Variants in ENTPD1 observed in about 807,000 individuals in gnomAD.
The protein encoded by ENTPD1 is ATP diphosphohydrolase.
ENTPD1 carries 33 observed loss-of-function variants against 57.0 expected under a neutral mutation model. The observed-to-expected ratio is 0.58, with a 90% CI of 0.44 to 0.77. The LOEUF (loss-of-function observed/expected upper bound fraction) is 0.77. Ranked by LOEUF, ENTPD1 falls within the 30% of genes least tolerant of loss-of-function variation. The pLI, the probability that ENTPD1 is intolerant of heterozygous loss-of-function variation, is 0.00. For synonymous variants in ENTPD1, 202 were observed against 218.8 expected (o/e 0.92, Z 0.68); for missense variants, 501 against 603.4 (o/e 0.83, Z 1.78).
intron 1 of ENTPD1, among the ~76,000 whole-genome samples, chr10:95,813,749 A>G (rs538105790): frequency 1.3e-5 from 2 of 152,252 alleles, no homozygotes; most frequent in South Asian, 2.1e-4. Context: ...ACATTTTTCT[A>G]TAGTAATATT....
chr10:95,777,094 G>T (rs998106391), intron 1 of ENTPD1, among the ~76,000 whole-genome samples: 2 of 152,088 alleles, frequency 1.3e-5, no homozygotes, highest in Non-Finnish European at 2.9e-5. Flanking sequence ...TAGCTTGGAG[G>T]AATTTGTCAT....
At chr10:95,718,618 G>C (rs1246968448) in intron 1 of ENTPD1, among the ~76,000 whole-genome samples, 1 of 152,162 alleles carries the variant, frequency 6.6e-6, no homozygotes, top group East Asian at 1.9e-4. Context: ...AGCATACTTA[G>C]AGTCTGTATA....
intron 7 of ENTPD1, among the ~76,000 whole-genome samples, chr10:95,856,651 CATATATAT>C (rs66753059): frequency 7.0e-6 from 1 of 142,206 alleles, no homozygotes; most frequent in African/African-American, 2.6e-5. Context: ...TATATGTATG[CATATATAT>C]ATATATATAT....
chr10:95,810,556 A>G (rs1304730314), intron 1 of ENTPD1, among the ~76,000 whole-genome samples: 2 of 152,160 alleles, frequency 1.3e-5, no homozygotes, highest in Non-Finnish European at 2.9e-5. Flanking sequence ...CACTTCCCAG[A>G]CAGGGTTTAG....
At position 95,866,328 on chromosome 10, in the gene ENTPD1, T is replaced by C. The variant is rs754205303; in HGVS notation, c.1478T>C (p.Ile493Thr). 2.5e-6 allele frequency: 4 copies of C among 1,614,218 alleles called. No individual in the cohort carries two copies. The highest frequency in any genetic ancestry group is 2.5e-6 in the Non-Finnish European group (3 of 1,180,034). ...LFSLVLFTVA[I>T]IGLLIFHKPS... is the part of the protein sequence containing the mutation. The stretch of plus-strand genomic sequence containing the variant: ...TCCCTGGTCCTTTTCACAGTGGCCA[T>C]CATAGGCTTGCTTATCTTTCACAAG... The change falls in exon 10 of 10, where the codon ATC (isoleucine) becomes ACC (threonine). Residue 493 changes from isoleucine to threonine, a missense_variant. By Grantham distance (89) the Ile-to-Thr change is moderately conservative (BLOSUM62 -1). Transcript: ENST00000371205.
rs71034350 is a variant in ENTPD1 at position 95,760,814 on chromosome 10, C to CTTTTTTTTTTTTTTT, written c.16+4578_16+4592dup. 7.6e-4 allele frequency among the ~76,000 whole-genome samples: 48 copies of CTTTTTTTTTTTTTTT among 62,968 alleles called. 8 individuals carry two copies. The highest frequency in any genetic ancestry group is 1.4e-3 in the African/African-American group (21 of 14,914). The allele number at this position is 62,968 out of a possible 152,430, so 41.3% of individuals were successfully genotyped here. A position where few individuals can be genotyped will look rare whatever the true frequency, so the allele number is the denominator to read the frequency against. On this transcript the variant is annotated intron_variant, in intron 1 of 9. Transcript: ENST00000371205. The stretch of plus-strand genomic sequence containing the variant: ...TGGAGTAAATTACATAGAGTTTATT[C>CTTTTTTTTTTTTTTT]TTTTTTTTTTTTTTTTTTTTTTTTT...
chr10:95,784,512 A>G (rs1456741774), intron 1 of ENTPD1, among the ~76,000 whole-genome samples: 4 of 152,186 alleles, frequency 2.6e-5, no homozygotes, highest in Non-Finnish European at 4.4e-5. Flanking sequence ...AGAAAAACTC[A>G]GGCTGTGTTT....
At chr10:95,864,499 T>C (rs1279937303) in intron 8 of ENTPD1, among the ~76,000 whole-genome samples, 1 of 152,188 alleles carries the variant, frequency 6.6e-6, no homozygotes, top group Non-Finnish European at 1.5e-5. Flanking sequence ...TATTATCTCA[T>C]AGAAGCCTGT....
At chr10:95,825,177 C>T (rs1193677874) in intron 2 of ENTPD1, among the ~76,000 whole-genome samples, 1 of 152,316 alleles carries the variant, frequency 6.6e-6, no homozygotes, top group South Asian at 2.1e-4. Flanking sequence ...ATTTCAAGTG[C>T]TCAATAGCCA....
Position 95,872,482 on chromosome 10 carries a change from T to C in ENTPD1, c.*6099T>C, listed in dbSNP as rs78518793. Reference sequence around the variant, plus strand: ...AATACTCTTGCACCTTCAAAGCTCATTTCAAATGCCCCTTCATTTGTGAAG... The same window carrying C: ...AATACTCTTGCACCTTCAAAGCTCACTTCAAATGCCCCTTCATTTGTGAAG... On this transcript the variant is annotated 3_prime_UTR_variant, in exon 10 of 10. Coordinates refer to ENST00000371205, the MANE Select transcript of ENTPD1 (RefSeq NM_001776.6). The C allele has an allele frequency of 2.0e-6, 2 of 984,912 alleles. No individual in the cohort carries two copies. Among genetic ancestry groups the C allele is most frequent in the Admixed American group, 1.2e-4 (2 of 16,270 alleles). 61.0% of individuals were successfully genotyped at this position (984,912 alleles called of 1,614,324 possible).
chr10:95,755,126 A>G (rs1168989210), upstream of ENTPD1: 2 of 152,260 alleles, frequency 1.3e-5, no homozygotes, highest in East Asian at 3.8e-4. Context: ...TCAACCATTC[A>G]TCAAATATTT....
intron 1 of ENTPD1, among the ~76,000 whole-genome samples, chr10:95,723,213 G>A (rs1184485237): frequency 6.6e-6 from 1 of 152,090 alleles, no homozygotes; most frequent in Non-Finnish European, 1.5e-5. Flanking sequence ...AATTTACCCT[G>A]GCTTTTAAAG....
chr10:95,811,554 A>T (rs2098307777), intron 1 of ENTPD1, among the ~76,000 whole-genome samples: 1 of 152,076 alleles, frequency 6.6e-6, no homozygotes, highest in South Asian at 2.1e-4. Flanking sequence ...TACCTGGATA[A>T]TTTTTAAATT....
In ENTPD1 at chr10:95,867,323, G is replaced by C. The variant is rs1032122829; in HGVS notation, c.*940G>C. ...GTTGTGCCACCATCACCACTATTTA[G>C]TTCCAGAACATTTGCATCATCAATA... is the stretch of plus-strand genomic sequence containing the variant. On this transcript the variant is annotated 3_prime_UTR_variant, in exon 10 of 10. Coordinates refer to ENST00000371205, the MANE Select transcript of ENTPD1 (RefSeq NM_001776.6). 1 of 985,184 alleles carries C rather than the reference G, an allele frequency of 1.0e-6. No homozygotes were observed. The highest frequency in any genetic ancestry group is 1.2e-6 in the Non-Finnish European group (1 of 829,738). 61.0% of individuals were successfully genotyped at this position (985,184 alleles called of 1,614,324 possible).
chr10:95,870,758 C>A lies in ENTPD1; in HGVS notation c.*4375C>A, dbSNP rs977204194. 14 of 985,410 alleles carry A rather than the reference C, an allele frequency of 1.4e-5. No homozygotes were observed. Among genetic ancestry groups the A allele is most frequent in the African/African-American group, 1.7e-5 (1 of 57,360 alleles). The allele number at this position is 985,410 out of a possible 1,614,324, so 61.0% of individuals were successfully genotyped here. A position where few individuals can be genotyped will look rare whatever the true frequency, so the allele number is the denominator to read the frequency against. On this transcript the variant is annotated 3_prime_UTR_variant, in exon 10 of 10. Coordinates refer to ENST00000371205, the MANE Select transcript of ENTPD1 (RefSeq NM_001776.6). ...CTGATTCAAATTCCAACTGTTAGAA[C>A]ATGACAGCTGCTCATAACTAGCTTT... is the stretch of plus-strand genomic sequence containing the variant.
chr10:95,744,510 A>C (rs1163321476), intron 1 of ENTPD1, among the ~76,000 whole-genome samples: 1 of 151,764 alleles, frequency 6.6e-6, no homozygotes, highest in Admixed American at 6.6e-5. Flanking sequence ...GTGGTGTGCT[A>C]CTTGGGAGGC....
In ENTPD1 at chr10:95,791,096, C is replaced by T. The variant is rs1237573578; in HGVS notation, c.17-32141C>T. On this transcript the variant is annotated intron_variant, in intron 1 of 9. Coordinates refer to ENST00000371205, the MANE Select transcript of ENTPD1 (RefSeq NM_001776.6). This position sits in a 1 kb window ranked among gnomAD's most constrained non-coding sequence, Gnocchi z 4.1. ...TAATTGATACACACAAGGTGAGATT[C>T]CTGACTTGGAGGTAGTTCATGGGAA... 3.9e-5 allele frequency among the ~76,000 whole-genome samples: 6 copies of T among 152,168 alleles called. No individual in the cohort carries two copies. Among genetic ancestry groups the T allele is most frequent in the Non-Finnish European group, 1.5e-5 (1 of 68,026 alleles).
intron 7 of ENTPD1, among the ~76,000 whole-genome samples, chr10:95,850,146 G>A (rs1340476387): frequency 6.6e-6 from 1 of 152,120 alleles, no homozygotes; most frequent in Admixed American, 6.5e-5. Context: ...CCCCCTGGAG[G>A]CTTTTCTATT....
intron 1 of ENTPD1, among the ~76,000 whole-genome samples, chr10:95,788,757 C>T (rs745915408): frequency 1.1e-4 from 17 of 152,010 alleles, no homozygotes; most frequent in African/African-American, 2.7e-4. Flanking sequence ...AGGAACTTTA[C>T]GAGGAGGCGA....
Sources: allele counts gnomAD v4.1 joint callset (sites outside exome capture counted in the v4.1 genomes callset), GRCh38; gene constraint gnomAD v4.1.1; non-coding constraint Gnocchi (gnomAD v3.1); transcripts MANE v1.5; gene names NCBI Gene and HGNC (gene_info 2026-07-23, HGNC 2026-07-21).